KIF11: variants seen among roughly 807,000 people sequenced by gnomAD.
KIF11 encodes kinesin-like protein KIF11.
Under a neutral mutation model 121.0 loss-of-function variants are expected in KIF11, and 9 were observed. That is an observed-to-expected ratio of 0.07 (90% CI 0.04 to 0.13). The LOEUF (loss-of-function observed/expected upper bound fraction) is 0.13, where lower values mean the gene tolerates loss of function less well. KIF11 is among the 10% of genes least tolerant of loss of function. KIF11 has a pLI of 1.00. For synonymous variants in KIF11, 408 were observed against 421.0 expected, an observed-to-expected ratio of 0.97 and a Z score of 0.38; for missense variants, 846 against 1,217.5, an observed-to-expected ratio of 0.69 and a Z score of 4.54.
At chr10:92,606,741 A>T in intron 3 of KIF11, 25 bp downstream of exon 3, 1 of 1,104,954 alleles carries the variant, frequency 9.1e-7, no homozygotes, top group East Asian at 2.3e-5. Context: ...GTTTTTTCTG[A>T]TTTATGAAAA....
chr10:92,645,946 T>C (rs534674250), intron 18 of KIF11, among the ~76,000 whole-genome samples: 2 of 139,532 alleles, frequency 1.4e-5, no homozygotes, highest in East Asian at 4.6e-4. Context: ...TCCACTTATA[T>C]ATGCTTTTTT....
At chr10:92,618,434 C>T (rs927600739) in intron 9 of KIF11, among the ~76,000 whole-genome samples, 2 of 151,724 alleles carry the variant, frequency 1.3e-5, no homozygotes, top group Non-Finnish European at 2.9e-5. Flanking sequence ...TGCTTTAGAT[C>T]AGGAGTTCGA....
intron 8 of KIF11, 39 bp from the exon 9 acceptor site, chr10:92,616,698 A>T (rs1393922142): frequency 9.7e-7 from 1 of 1,027,320 alleles, no homozygotes. Flanking sequence ...CATTATTCTC[A>T]CAATATCTTC....
chr10:92,622,624 A>T (rs957009494), intron 10 of KIF11, among the ~76,000 whole-genome samples: 2 of 152,208 alleles, frequency 1.3e-5, no homozygotes, highest in East Asian at 3.9e-4. Context: ...TCAAAAAAGA[A>T]AAAGGAAAAA....
intron 10 of KIF11, among the ~76,000 whole-genome samples, chr10:92,627,447 A>G (rs944130546): frequency 2.6e-5 from 4 of 152,184 alleles, no homozygotes; most frequent in Admixed American, 1.3e-4. Context: ...GAATTTAGAA[A>G]TTTTTAGTTT....
At chr10:92,605,351 T>G (rs1844417179) in intron 1 of KIF11, among the ~76,000 whole-genome samples, 1 of 152,204 alleles carries the variant, frequency 6.6e-6, no homozygotes, top group African/African-American at 2.4e-5. Context: ...TGGCACATAG[T>G]AAGTACTCAA....
chr10:92,610,831 A>G (rs1844487991), intron 6 of KIF11, among the ~76,000 whole-genome samples: 1 of 152,228 alleles, frequency 6.6e-6, no homozygotes, highest in African/African-American at 2.4e-5. Context: ...ATAACATAAA[A>G]GTGATTAAGA....
chr10:92,642,000 CT>C (rs1202631084), intron 17 of KIF11, among the ~76,000 whole-genome samples: 1 of 151,808 alleles, frequency 6.6e-6, no homozygotes, highest in Non-Finnish European at 1.5e-5. Context: ...TTTTCATTTG[CT>C]TTTTTTATAC....
At chr10:92,641,264 A>G (rs1277298546) in intron 17 of KIF11, among the ~76,000 whole-genome samples, 2 of 152,226 alleles carry the variant, frequency 1.3e-5, no homozygotes, top group Non-Finnish European at 2.9e-5. Context: ...ATGAGGAGAA[A>G]GATACTATAT....
intron 17 of KIF11, among the ~76,000 whole-genome samples, chr10:92,642,654 T>A (rs562580476): frequency 2.6e-5 from 4 of 151,670 alleles, no homozygotes; most frequent in Non-Finnish European, 5.9e-5. Context: ...CATTTAGGAT[T>A]ATTATATCTC....
intron 1 of KIF11, among the ~76,000 whole-genome samples, chr10:92,594,852 A>G (rs1293462856): frequency 2.0e-5 from 3 of 150,860 alleles, no homozygotes; most frequent in Non-Finnish European, 4.4e-5. Context: ...AATATTTACA[A>G]TAATTTTTGT....
chr10:92,623,834 A>C (rs1411196843), intron 10 of KIF11, among the ~76,000 whole-genome samples: 1 of 152,180 alleles, frequency 6.6e-6, no homozygotes. Flanking sequence ...CTTAAGAAGT[A>C]ACTTTGGTTT....
chr10:92,594,165 A>T (rs1399088499), intron 1 of KIF11, among the ~76,000 whole-genome samples: 1 of 152,198 alleles, frequency 6.6e-6, no homozygotes, highest in Non-Finnish European at 1.5e-5. Context: ...GGCTCTCCAC[A>T]GTTTACTGAG....
chr10:92,623,782 T>C (rs770550223), intron 10 of KIF11, among the ~76,000 whole-genome samples: 21 of 152,216 alleles, frequency 1.4e-4, no homozygotes, highest in Non-Finnish European at 2.8e-4. Context: ...AGAAATGATA[T>C]TGATTATTGG....
At chr10:92,649,401 A>T (rs1844956741) in intron 19 of KIF11, among the ~76,000 whole-genome samples, 1 of 152,102 alleles carries the variant, frequency 6.6e-6, no homozygotes, top group African/African-American at 2.4e-5. Context: ...GGGGTTCAAG[A>T]CCAGCCTGGG....
chr10:92,649,805 T>C, intron 19 of KIF11, 30 bp from the exon 20 acceptor site: 1 of 1,506,070 alleles, frequency 6.6e-7, no homozygotes, highest in Non-Finnish European at 9.1e-7. Context: ...CATACTTTAA[T>C]TTTTACCTCT....
chr10:92,606,454 A>G, intron 2 of KIF11, 57 bp downstream of exon 2: 1 of 1,418,530 alleles, frequency 7.0e-7, no homozygotes, highest in Admixed American at 2.3e-5. Context: ...TTTAATATAC[A>G]TATTTTACCT....
At chr10:92,603,790 C>G (rs962264564) in intron 1 of KIF11, among the ~76,000 whole-genome samples, 2 of 152,166 alleles carry the variant, frequency 1.3e-5, no homozygotes, top group African/African-American at 2.4e-5. Context: ...GCCTGGCCTG[C>G]TTTATTTTCA....
At chr10:92,640,518 G>A (rs1461701206) in intron 17 of KIF11, among the ~76,000 whole-genome samples, 3 of 152,182 alleles carry the variant, frequency 2.0e-5, no homozygotes, top group Non-Finnish European at 4.4e-5. Flanking sequence ...TGCAAGCTCC[G>A]CCTTCCAGGC....
Sources: allele counts gnomAD v4.1 joint callset (sites outside exome capture counted in the v4.1 genomes callset), GRCh38; gene constraint gnomAD v4.1.1; transcripts MANE v1.5; gene names NCBI Gene and HGNC (gene_info 2026-07-23, HGNC 2026-07-21).